The following TRABD2B variants were observed in gnomAD, a reference collection of about 807,000 sequenced individuals.
The protein encoded by TRABD2B is metalloprotease TIKI2.
Under a neutral mutation model 40.1 loss-of-function variants are expected in TRABD2B, and 14 were observed. The observed-to-expected ratio is 0.35, with a 90% CI of 0.23 to 0.55. TRABD2B has a LOEUF of 0.55. Among genes scored for constraint, TRABD2B ranks in the 20% least tolerant of loss-of-function variants. TRABD2B has a pLI of 0.90. For missense variants in TRABD2B, 541 were observed against 648.6 expected (o/e 0.83, Z 1.80); for synonymous variants, 263 against 277.0 (o/e 0.95, Z 0.50).
chr1:47,996,889 G>A lies in TRABD2B; in HGVS notation c.-100C>T, dbSNP rs1646101516. ...GCACGGAGTTTCCTCTGGAGCACGGGGCTCCAGCCGCAGGATGCTGGGCGC... is the reference window on the plus strand; with the variant it reads ...GCACGGAGTTTCCTCTGGAGCACGGAGCTCCAGCCGCAGGATGCTGGGCGC... On this transcript the variant is annotated 5_prime_UTR_variant, in exon 1 of 7. Transcript: ENST00000606738. The surrounding 1 kb of genome is among the most constrained non-coding windows in gnomAD (Gnocchi z 4.6). 8.8e-7 allele frequency: 1 copy of A among 1,131,602 alleles called. No homozygotes were observed. Among genetic ancestry groups the A allele is most frequent in the African/African-American group, 1.6e-5 (1 of 60,914 alleles). 70.1% of individuals were successfully genotyped at this position (1,131,602 alleles called of 1,614,324 possible).
chr1:47,906,868 G>A (rs1286223897), intron 2 of TRABD2B, among the ~76,000 whole-genome samples: 1 of 152,236 alleles, frequency 6.6e-6, no homozygotes, highest in East Asian at 1.9e-4. Flanking sequence ...AAGCTTAGCA[G>A]GGGGACCTGC....
rs921340769 is a variant in TRABD2B at position 47,804,443 on chromosome 1, G to T, written c.667-2824C>A. On this transcript the variant is annotated intron_variant, in intron 2 of 6. Coordinates refer to ENST00000606738, the MANE Select transcript of TRABD2B (RefSeq NM_001194986.2). ...TGGGGGCCTGGGACACAGGCTTCCC[G>T]TGACTACACTCGGCCACTGCACACA... Among the ~76,000 whole-genome samples, 4 of 151,964 alleles carry T rather than the reference G, an allele frequency of 2.6e-5. No homozygotes were observed. The East Asian group carries it at 5.8e-4, about 22-fold the overall frequency.
intron 2 of TRABD2B, among the ~76,000 whole-genome samples, chr1:47,987,019 G>A (rs1323935532): frequency 2.0e-5 from 3 of 152,174 alleles, no homozygotes; most frequent in African/African-American, 4.8e-5. Flanking sequence ...AGGCTGTGGC[G>A]CTCACGCCGG....
chr1:47,944,153 G>A (rs1198392892), intron 2 of TRABD2B, among the ~76,000 whole-genome samples: 1 of 152,156 alleles, frequency 6.6e-6, no homozygotes, highest in Non-Finnish European at 1.5e-5. Flanking sequence ...GAGTGCATGA[G>A]CCCAGGAATG....
chr1:47,842,578 CACA>C (rs916392487), intron 2 of TRABD2B, among the ~76,000 whole-genome samples: 9 of 152,168 alleles, frequency 5.9e-5, no homozygotes, highest in East Asian at 1.9e-4. Context: ...TGCTCTATAA[CACA>C]ACAAGTACGC....
intron 3 of TRABD2B, among the ~76,000 whole-genome samples, chr1:47,799,603 C>T (rs1206659654): frequency 6.6e-6 from 1 of 152,190 alleles, no homozygotes; most frequent in Non-Finnish European, 1.5e-5. Flanking sequence ...ATAGGCAGCA[C>T]ACCATCACCC....
intron 2 of TRABD2B, among the ~76,000 whole-genome samples, chr1:47,989,262 T>C (rs947648429): frequency 2.0e-5 from 3 of 152,206 alleles, no homozygotes; most frequent in Admixed American, 6.5e-5. Context: ...TTTGTCCTTA[T>C]AGGATGGAAA....
chr1:47,768,312 A>C (rs1353834447), intron 6 of TRABD2B, among the ~76,000 whole-genome samples: 1 of 141,862 alleles, frequency 7.0e-6, no homozygotes, highest in Non-Finnish European at 1.5e-5. Flanking sequence ...TTCTGAGTAG[A>C]GTGTGTGTGT....
chr1:47,882,977 AC>A (rs768382884), intron 2 of TRABD2B, among the ~76,000 whole-genome samples: 1 of 152,128 alleles, frequency 6.6e-6, no homozygotes, highest in Non-Finnish European at 1.5e-5. Flanking sequence ...TAACAGCATA[AC>A]CCTGGGCAAG....
chr1:47,889,375 T>C (rs528073123), intron 2 of TRABD2B, among the ~76,000 whole-genome samples: 1 of 152,206 alleles, frequency 6.6e-6, no homozygotes, highest in East Asian at 1.9e-4. Context: ...CCTCTCAGGG[T>C]TTGGGGGGAA....
intron 4 of TRABD2B, among the ~76,000 whole-genome samples, chr1:47,792,887 C>T (rs950292803): frequency 2.6e-5 from 4 of 152,056 alleles, no homozygotes; most frequent in Non-Finnish European, 2.9e-5. Flanking sequence ...CAGGGTGGTT[C>T]CCCATTTGGA....
At chr1:47,800,876 T>A (rs1300149522) in intron 3 of TRABD2B, among the ~76,000 whole-genome samples, 2 of 152,020 alleles carry the variant, frequency 1.3e-5, no homozygotes, top group Non-Finnish European at 2.9e-5. Flanking sequence ...CAGAGCAAGG[T>A]CTGTAGGGTG....
At chr1:47,977,748 G>A (rs1029182233) in intron 2 of TRABD2B, among the ~76,000 whole-genome samples, 1 of 151,946 alleles carries the variant, frequency 6.6e-6, no homozygotes, top group African/African-American at 2.4e-5. Flanking sequence ...GACATTGGAG[G>A]AGAGAGGAAA....
At chr1:47,961,605 T>G (rs1434100462) in intron 2 of TRABD2B, among the ~76,000 whole-genome samples, 2 of 152,150 alleles carry the variant, frequency 1.3e-5, no homozygotes, top group Non-Finnish European at 2.9e-5. Context: ...AACAGACATG[T>G]GAAAAAATGC....
chr1:47,794,784 C>T (rs758877894), intron 3 of TRABD2B, 24 bp from the exon 4 acceptor site: 1 of 1,338,410 alleles, frequency 7.5e-7, no homozygotes, highest in Non-Finnish European at 9.8e-7. Flanking sequence ...ACAGAGGCTG[C>T]CTTCAGTTTT....
chr1:47,815,953 T>TAACAAGC, intron 2 of TRABD2B, among the ~76,000 whole-genome samples: 1 of 152,158 alleles, frequency 6.6e-6, no homozygotes, highest in East Asian at 1.9e-4. Flanking sequence ...TATGTGTTTG[T>TAACAAGC]TCTTGGTCAG....
chr1:47,827,949 G>A (rs1227435103), intron 2 of TRABD2B, among the ~76,000 whole-genome samples: 2 of 152,200 alleles, frequency 1.3e-5, no homozygotes, highest in East Asian at 3.9e-4. Flanking sequence ...AAGTGAGCTT[G>A]GATGCAGGGG....
intron 6 of TRABD2B, among the ~76,000 whole-genome samples, chr1:47,768,775 C>T (rs900563943): frequency 6.6e-6 from 1 of 152,232 alleles, no homozygotes; most frequent in Non-Finnish European, 1.5e-5. Flanking sequence ...GTCTGTGTCT[C>T]TCCTAATAAT....
chr1:47,904,398 T>C (rs1224389710), intron 2 of TRABD2B, among the ~76,000 whole-genome samples: 2 of 151,912 alleles, frequency 1.3e-5, no homozygotes, highest in Non-Finnish European at 1.5e-5. Flanking sequence ...ATTTATATGA[T>C]GGTTCCTTTC....
Sources: allele counts gnomAD v4.1 joint callset (sites outside exome capture counted in the v4.1 genomes callset), GRCh38; gene constraint gnomAD v4.1.1; non-coding constraint Gnocchi (gnomAD v3.1); transcripts MANE v1.5; gene names NCBI Gene and HGNC (gene_info 2026-07-23, HGNC 2026-07-21).